CXCL14: variants seen among roughly 807,000 people sequenced by gnomAD.
CXCL14 encodes C-X-C motif chemokine 14.
CXCL14 carries 9 observed loss-of-function variants against 16.1 expected under a neutral mutation model. The observed-to-expected ratio is 0.56, with a 90% CI of 0.34 to 0.97. The LOEUF is 0.97. Ranked by LOEUF, CXCL14 falls within the 50% of genes least tolerant of loss-of-function variation. CXCL14 has a pLI of 0.02. For synonymous variants in CXCL14, 55 were observed against 52.8 expected, an observed-to-expected ratio of 1.04 and a Z score of -0.18; for missense variants, 111 against 132.5, an observed-to-expected ratio of 0.84 and a Z score of 0.80.
chr5:135,571,995 C>T, intron 3 of CXCL14, 127 bp from the exon 4 acceptor site: 1 of 893,856 alleles, frequency 1.1e-6, no homozygotes, highest in Non-Finnish European at 1.8e-6. Context: ...CTGCAGGAAC[C>T]CCCAGGAGAA....
intron 2 of CXCL14, among the ~76,000 whole-genome samples, chr5:135,577,311 G>T (rs898160925): frequency 6.6e-6 from 1 of 152,122 alleles, no homozygotes; most frequent in Non-Finnish European, 1.5e-5. Flanking sequence ...TTGACACTTG[G>T]CCCCCACCCA....
chr5:135,571,620 A>ATGG lies in CXCL14; in HGVS notation c.*232_*233insCCA. The ATGG allele has an allele frequency of 1.9e-6, 1 of 513,604 alleles. No individual in the cohort carries two copies. Among genetic ancestry groups the ATGG allele is most frequent in the East Asian group, 3.2e-5 (1 of 31,590 alleles). 31.8% of individuals were successfully genotyped at this position (513,604 alleles called of 1,614,324 possible). A position where few individuals can be genotyped will look rare whatever the true frequency, so the allele number is the denominator to read the frequency against. The stretch of plus-strand genomic sequence containing the variant: ...CCTGTGATGAAGTCTGGAGCACAAG[A>ATGG]GAGATGGGTCTCCCATCTGGAAGCC... On this transcript the variant is annotated 3_prime_UTR_variant, in exon 4 of 4. Coordinates refer to ENST00000512158, the MANE Select transcript of CXCL14 (RefSeq NM_004887.5).
intron 2 of CXCL14, among the ~76,000 whole-genome samples, chr5:135,576,249 G>A (rs1208162344): frequency 6.6e-6 from 1 of 152,200 alleles, no homozygotes; most frequent in Non-Finnish European, 1.5e-5. Flanking sequence ...GCTTCAGAGT[G>A]AACTCTGGTT....
chr5:135,578,923 G>A lies in CXCL14; in HGVS notation c.-145C>T. 1.2e-6 allele frequency: 1 copy of A among 841,404 alleles called. No individual in the cohort carries two copies. Among genetic ancestry groups the A allele is most frequent in the Non-Finnish European group, 1.7e-6 (1 of 580,156 alleles). 52.1% of individuals were successfully genotyped at this position (841,404 alleles called of 1,614,324 possible). A position where few individuals can be genotyped will look rare whatever the true frequency, so the allele number is the denominator to read the frequency against. On this transcript the variant is annotated 5_prime_UTR_variant, in exon 1 of 4. The change creates a new upstream start codon in the 5' untranslated region. Transcript: ENST00000512158. ...CGGCTCTGCTGGCTCCGGCTGCGCC[G>A]TCGGTGGATGCCCAGGGCTGTCTGT...
chr5:135,574,568 G>T lies in CXCL14; in HGVS notation c.284+4C>A. 1 of 1,609,654 alleles carries T rather than the reference G, an allele frequency of 6.2e-7. No individual in the cohort carries two copies. The highest frequency in any genetic ancestry group is 8.5e-7 in the Non-Finnish European group (1 of 1,177,756). ...GAAGGAAGGTGAGTAGAGGCGGGGC[G>T]TACCTGCGCTTCTCGTTCCAGGCGT... On this transcript the variant is annotated splice_donor_region_variant and intron_variant, in intron 3 of 3. Coordinates refer to ENST00000512158, the MANE Select transcript of CXCL14 (RefSeq NM_004887.5).
At chr5:135,574,476 A>C (rs1751068844) in intron 3 of CXCL14, 96 bp downstream of exon 3, 2 of 871,098 alleles carry the variant, frequency 2.3e-6, no homozygotes, top group Non-Finnish European at 3.7e-6. Flanking sequence ...TTCACATATT[A>C]GATGGGGCTA....
At position 135,574,554 on chromosome 5, in the gene CXCL14, A is replaced by T. The variant is rs769164567; in HGVS notation, c.284+18T>A. ...GCTGGGTCTGGTGGGAAGGAAGGTG[A>T]GTAGAGGCGGGGCGTACCTGCGCTT... On this transcript the variant is annotated intron_variant, in intron 3 of 3. Transcript: ENST00000512158. The T allele has an allele frequency of 1.9e-6, 3 of 1,603,954 alleles. No homozygotes were observed. In the South Asian group the frequency reaches 3.3e-5, roughly 18 times the overall value.
chr5:135,572,436 G>T (rs541450784), intron 3 of CXCL14, among the ~76,000 whole-genome samples: 1 of 152,320 alleles, frequency 6.6e-6, no homozygotes, highest in East Asian at 1.9e-4. Context: ...GGTGGTTGGT[G>T]GGGTGGGGCA....
chr5:135,575,204 C>G (rs1204369565), intron 2 of CXCL14, among the ~76,000 whole-genome samples: 4 of 152,216 alleles, frequency 2.6e-5, no homozygotes, highest in African/African-American at 9.7e-5. Flanking sequence ...TCTGACCCAC[C>G]ACAGATTGTC....
intron 2 of CXCL14, among the ~76,000 whole-genome samples, chr5:135,574,954 G>C (rs1046594157): frequency 6.6e-6 from 1 of 152,114 alleles, no homozygotes; most frequent in Non-Finnish European, 1.5e-5. Context: ...TGAGAGTCTG[G>C]GATGGTCTCT....
Position 135,578,467 on chromosome 5 carries a change from G to C in CXCL14, c.137C>G (p.Pro46Arg). The change falls in exon 2 of 4, where the codon CCA (proline) becomes CGA (arginine). Residue 46 changes from proline to arginine, a missense_variant. Pro to Arg is a moderately radical substitution (Grantham distance 103). Transcript: ENST00000512158. ...CTTCTCCTCGCAGTGCGGGTACTTT[G>C]GCTTCATTTCCAGCTTCTTCACGTC... is the stretch of plus-strand genomic sequence containing the variant. ...YSDVKKLEMK[P>R]KYPHCEEKMV... 6.2e-7 allele frequency: 1 copy of C among 1,614,202 alleles called. No individual in the cohort carries two copies. The highest frequency in any genetic ancestry group is 8.5e-7 in the Non-Finnish European group (1 of 1,180,028).
Position 135,571,602 on chromosome 5 carries a change from T to TG in CXCL14, c.*250dup. The TG allele has an allele frequency of 2.1e-6, 1 of 473,818 alleles. No individual in the cohort carries two copies. The highest frequency in any genetic ancestry group is 3.4e-5 in the East Asian group (1 of 29,666). The allele number at this position is 473,818 out of a possible 1,614,324, so 29.4% of individuals were successfully genotyped here. On this transcript the variant is annotated 3_prime_UTR_variant, in exon 4 of 4. Transcript: ENST00000512158. ...CTTTTTGATAAAAAGCAGCCTGTGATGAAGTCTGGAGCACAAGAGAGATGG... is the reference window on the plus strand; with the variant it reads ...CTTTTTGATAAAAAGCAGCCTGTGATGGAAGTCTGGAGCACAAGAGAGATGG...
rs761066098 is a variant in CXCL14 at position 135,571,436 on chromosome 5, C to T, written c.*417G>A. The T allele has an allele frequency of 1.0e-4, 17 of 167,060 alleles. No individual in the cohort carries two copies. Among genetic ancestry groups the T allele is most frequent in the Non-Finnish European group, 1.8e-4 (14 of 78,476 alleles). The allele number at this position is 167,060 out of a possible 1,614,324, so 10.3% of individuals were successfully genotyped here. ...GACCTCTAAGCGGAAGCTTCCCAAG[C>T]TAGGAATGGAGCAACACTGCAATGA... On this transcript the variant is annotated 3_prime_UTR_variant, in exon 4 of 4. Coordinates refer to ENST00000512158, the MANE Select transcript of CXCL14 (RefSeq NM_004887.5).
At chr5:135,574,449 G>A (rs1751068555) in intron 3 of CXCL14, 123 bp downstream of exon 3, 4 of 703,046 alleles carry the variant, frequency 5.7e-6, no homozygotes, top group Non-Finnish European at 2.5e-6. Flanking sequence ...TGTTTGCTGT[G>A]GATGTTGTGG....
At chr5:135,573,791 C>A (rs1395159868) in intron 3 of CXCL14, among the ~76,000 whole-genome samples, 1 of 151,744 alleles carries the variant, frequency 6.6e-6, no homozygotes, top group Non-Finnish European at 1.5e-5. Context: ...CTCTGCGTAT[C>A]TGAGGAGTGA....
intron 3 of CXCL14, among the ~76,000 whole-genome samples, chr5:135,573,783 C>T (rs1483043164): frequency 6.6e-6 from 1 of 151,880 alleles, no homozygotes; most frequent in Non-Finnish European, 1.5e-5. Flanking sequence ...TAAACAGACT[C>T]TGCGTATCTG....
chr5:135,574,114 C>A (rs1169925632), intron 3 of CXCL14, among the ~76,000 whole-genome samples: 1 of 152,200 alleles, frequency 6.6e-6, no homozygotes, highest in Admixed American at 6.5e-5. Flanking sequence ...ATGTTTCTGG[C>A]AAGGATCATC....
Position 135,574,670 on chromosome 5 carries a change from G to A in CXCL14, c.186C>T (p.Ser62=), listed in dbSNP as rs1250728023. 2.5e-6 allele frequency: 4 copies of A among 1,613,530 alleles called. No individual in the cohort carries two copies. The highest frequency in any genetic ancestry group is 2.2e-5 in the East Asian group (1 of 44,876). ...GCTCCTGACCTCGGTACCTGGACAC[G>A]CTCTTGGTGGTGATGCTGAAACGGA... ...EEKMVIITTK[S]VSRYRGQEHC... The change falls in exon 3 of 4, where the codon AGC becomes AGT. Residue 62 remains serine (S), a synonymous_variant. Coordinates refer to ENST00000512158, the MANE Select transcript of CXCL14 (RefSeq NM_004887.5).
rs186043796 is a variant in CXCL14, at chr5:135,578,247, C to A, written c.170+187G>T. On this transcript the variant is annotated intron_variant, in intron 2 of 3. Transcript: ENST00000512158. ...GTTCCGGAGCGGGACAGTGACCCCCCTTCCCGACTGTCTTCCAGAGTGTCT... is the reference window on the plus strand; with the variant it reads ...GTTCCGGAGCGGGACAGTGACCCCCATTCCCGACTGTCTTCCAGAGTGTCT... Among the ~76,000 whole-genome samples the A allele has an allele frequency of 4.2e-3, 640 of 152,328 alleles. 6 individuals are homozygous for A. Among genetic ancestry groups the A allele is most frequent in the Middle Eastern group, 0.024 (7 of 294 alleles).
Sources: gnomAD v4.1 joint callset for allele counts (sites outside exome capture counted in the v4.1 genomes callset) on GRCh38, gnomAD v4.1.1 for gene constraint, MANE v1.5 for transcripts, NCBI Gene and HGNC (gene_info 2026-07-23, HGNC 2026-07-21) for gene names.